Variants in SLC22A15 observed in about 807,000 individuals in gnomAD.
The protein encoded by SLC22A15 is solute carrier family 22 member 15, also known as flipt 1.
SLC22A15 carries 45 observed loss-of-function variants against 62.7 expected under a neutral mutation model. The ratio of observed to expected loss-of-function variants is 0.72; its 90% confidence interval spans 0.56 to 0.92. SLC22A15 has a LOEUF of 0.92. Among genes scored for constraint, SLC22A15 ranks in the 40% least tolerant of loss-of-function variants. The pLI is 0.00. For missense variants in SLC22A15, 622 were observed against 665.6 expected, an observed-to-expected ratio of 0.93 and a Z score of 0.72; for synonymous variants, 264 against 267.0, an observed-to-expected ratio of 0.99 and a Z score of 0.11.
chr1:115,992,663 C>G (rs1655211906), intron 2 of SLC22A15, among the ~76,000 whole-genome samples: 2 of 148,374 alleles, frequency 1.3e-5, no homozygotes, highest in South Asian at 4.3e-4. Flanking sequence ...GCTTTGTTGC[C>G]CAAGCTGGAG....
rs149548635 is a variant in SLC22A15 at position 116,000,493 on chromosome 1, G to A, written c.300+8250G>A. 5.0e-4 allele frequency among the ~76,000 whole-genome samples: 76 copies of A among 151,824 alleles called. 1 individual carries two copies. In the East Asian group the frequency reaches 6.0e-3, roughly 12 times the overall value. ...TCTAATTATTATTTTTGATTGGTTC[G>A]TCTCTTAGTCTTCCTATTCAAGATA... On this transcript the variant is annotated intron_variant, in intron 2 of 11. Transcript: ENST00000369503.
At chr1:116,044,451 C>T (rs1165768982) in intron 8 of SLC22A15, among the ~76,000 whole-genome samples, 2 of 152,302 alleles carry the variant, frequency 1.3e-5, no homozygotes, top group Admixed American at 1.3e-4. Flanking sequence ...TGGTGAAAGA[C>T]TGAATACTTA....
At chr1:116,056,099 A>C (rs1480375332) in intron 8 of SLC22A15, among the ~76,000 whole-genome samples, 2 of 149,868 alleles carry the variant, frequency 1.3e-5, no homozygotes, top group Admixed American at 6.7e-5. Context: ...TCAATTAGGA[A>C]AAGAGGAAGT....
Position 116,026,939 on chromosome 1 carries a change from C to T in SLC22A15, c.645C>T (p.Ala215=), listed in dbSNP as rs372168048. ...LFFAVGIAQY[A]LLGYFIRSWR... ...TTGCAGTTGGCATTGCCCAATATGCCCTGTTAGGATACTTCATCCGCTCCT... is the reference window on the plus strand; with the variant it reads ...TTGCAGTTGGCATTGCCCAATATGCTCTGTTAGGATACTTCATCCGCTCCT... The change falls in exon 5 of 12, where the codon GCC becomes GCT. Residue 215 remains alanine (A), a synonymous_variant. Coordinates refer to ENST00000369503, the MANE Select transcript of SLC22A15 (RefSeq NM_018420.3). 6.2e-7 allele frequency: 1 copy of T among 1,613,666 alleles called. No individual in the cohort carries two copies.
At chr1:116,021,816 G>A (rs750715212) in intron 4 of SLC22A15, among the ~76,000 whole-genome samples, 15 of 152,316 alleles carry the variant, frequency 9.8e-5, no homozygotes, top group Non-Finnish European at 2.1e-4. Context: ...GAGGTGACAT[G>A]CCTGTTTTCA....
chr1:116,064,104 C>T (rs1235489458), intron 9 of SLC22A15, among the ~76,000 whole-genome samples: 1 of 152,136 alleles, frequency 6.6e-6, no homozygotes, highest in Admixed American at 6.6e-5. Flanking sequence ...TGTGGATCCA[C>T]TGTCCAATAT....
rs1658524953 is a variant in SLC22A15 at position 116,067,400 on chromosome 1, C to T, written c.*292C>T. 1.3e-5 allele frequency: 4 copies of T among 315,298 alleles called. No individual in the cohort carries two copies. The South Asian group carries it at 3.0e-4, about 24-fold the overall frequency. The allele number at this position is 315,298 out of a possible 1,614,324, so 19.5% of individuals were successfully genotyped here. A position where few individuals can be genotyped will look rare whatever the true frequency, so the allele number is the denominator to read the frequency against. On this transcript the variant is annotated 3_prime_UTR_variant, in exon 12 of 12. Transcript: ENST00000369503. ...CAAACCCACATTCCAAAGTGGTAGGCTCATTTGTTTCTAGAGATTTCATCA... is the reference window on the plus strand; with the variant it reads ...CAAACCCACATTCCAAAGTGGTAGGTTCATTTGTTTCTAGAGATTTCATCA...
intron 1 of SLC22A15, among the ~76,000 whole-genome samples, chr1:115,990,478 A>G (rs1036830606): frequency 2.0e-5 from 3 of 152,226 alleles, no homozygotes; most frequent in Non-Finnish European, 2.9e-5. Flanking sequence ...CTGCTGCTAA[A>G]TGTGTAATCT....
chr1:116,010,747 C>T (rs17035096), intron 2 of SLC22A15, among the ~76,000 whole-genome samples: 34,243 of 152,136 alleles, frequency 0.23, 4,465 homozygotes, highest in East Asian at 0.48. Context: ...TCTCTGATTG[C>T]GTAGAGCCCT....
At chr1:116,003,106 A>G (rs1655816793) in intron 2 of SLC22A15, among the ~76,000 whole-genome samples, 1 of 152,062 alleles carries the variant, frequency 6.6e-6, no homozygotes, top group Admixed American at 6.5e-5. Context: ...TCAGGGCAGC[A>G]GGTTCCCTTC....
chr1:115,988,196 T>G (rs1654969142), intron 1 of SLC22A15, among the ~76,000 whole-genome samples: 1 of 152,164 alleles, frequency 6.6e-6, no homozygotes, highest in African/African-American at 2.4e-5. Flanking sequence ...TTATTCCCAC[T>G]CTGGTAGACA....
At chr1:115,981,479 G>A (rs1654606890) in intron 1 of SLC22A15, among the ~76,000 whole-genome samples, 1 of 152,200 alleles carries the variant, frequency 6.6e-6, no homozygotes, top group South Asian at 2.1e-4. Flanking sequence ...CACCAGTTTA[G>A]GTGGGTGGGG....
chr1:116,057,225 C>T (rs918108647), intron 8 of SLC22A15, among the ~76,000 whole-genome samples: 8 of 151,812 alleles, frequency 5.3e-5, no homozygotes, highest in African/African-American at 1.7e-4. Context: ...AAACAAACAA[C>T]CCCATCAAAA....
At chr1:116,015,112 A>G (rs1275211530) in intron 2 of SLC22A15, 2 of 152,226 alleles carry the variant, frequency 1.3e-5, no homozygotes, top group Non-Finnish European at 2.9e-5. Context: ...ATTTAAACCA[A>G]TATCTCACAT....
chr1:116,054,824 A>G (rs1658157886), intron 8 of SLC22A15, among the ~76,000 whole-genome samples: 1 of 152,178 alleles, frequency 6.6e-6, no homozygotes, highest in South Asian at 2.1e-4. Context: ...TAACGAAATG[A>G]AGGCAGAAAT....
chr1:116,021,029 C>A, intron 4 of SLC22A15, 144 bp downstream of exon 4: 1 of 700,216 alleles, frequency 1.4e-6, no homozygotes, highest in Non-Finnish European at 2.3e-6. Context: ...TGATTTGGTT[C>A]TGTATGACCC....
At chr1:116,024,591 C>T (rs374623571) in intron 4 of SLC22A15, among the ~76,000 whole-genome samples, 80 of 152,246 alleles carry the variant, frequency 5.3e-4, no homozygotes, top group South Asian at 1.7e-3. Context: ...TTCATCTCTA[C>T]GCCTTCTCCC....
chr1:116,008,446 A>T (rs187751316), intron 2 of SLC22A15, among the ~76,000 whole-genome samples: 2 of 152,274 alleles, frequency 1.3e-5, no homozygotes, highest in Non-Finnish European at 2.9e-5. Flanking sequence ...TGTTAGGTTA[A>T]TGTATAGCTA....
chr1:116,026,828 TG>T (rs1453821303), intron 4 of SLC22A15, 64 bp from the exon 5 acceptor site: 2 of 1,586,062 alleles, frequency 1.3e-6, no homozygotes, highest in East Asian at 4.5e-5. Context: ...CTCTGTAACT[TG>T]GGGTTGGAAA....
Sources: gnomAD v4.1 joint callset for allele counts (sites outside exome capture counted in the v4.1 genomes callset) on GRCh38, gnomAD v4.1.1 for gene constraint, MANE v1.5 for transcripts, NCBI Gene and HGNC (gene_info 2026-07-23, HGNC 2026-07-21) for gene names.